ETV1: variants seen among roughly 807,000 people sequenced by gnomAD.
ETV1 encodes ETS translocation variant 1.
Under a neutral mutation model 62.3 loss-of-function variants are expected in ETV1, and 27 were observed. The ratio of observed to expected loss-of-function variants is 0.43; its 90% CI spans 0.32 to 0.60. The LOEUF (loss-of-function observed/expected upper bound fraction) is 0.60, where lower values mean the gene tolerates loss of function less well. ETV1 is among the 20% of genes least tolerant of loss of function. The pLI is 0.06. For missense variants in ETV1, 605 were observed against 605.8 expected, an observed-to-expected ratio of 1.00 and a Z score of 0.01; for synonymous variants, 222 against 199.6, an observed-to-expected ratio of 1.11 and a Z score of -0.94.
Position 13,906,512 on chromosome 7 carries a change from G to A in ETV1, c.1028C>T (p.Ala343Val), listed in dbSNP as rs777934934. 1.2e-6 allele frequency: 2 copies of A among 1,611,562 alleles called. No individual in the cohort carries two copies. The highest frequency in any genetic ancestry group is 4.5e-5 in the East Asian group (2 of 44,838). The change falls in exon 12 of 14, where the codon GCT becomes GTT. Residue 343 changes from alanine (A) to valine (V), a missense_variant. By Grantham distance (64) the Ala-to-Val change is moderately conservative (BLOSUM62 0). This residue lies in a region of ETV1 where 100 missense variants were observed against 156.4 expected (regional missense o/e 0.64). Transcript: ENST00000430479. ...AGAATTTGAAGGGTCATCCAGAAGA[G>A]CTACCAAAAACTGCCAGAGCTGAAG... ...GSLQLWQFLV[A>V]LLDDPSNSHF...
chr7:13,969,000 C>T (rs1212770138), intron 6 of ETV1, among the ~76,000 whole-genome samples: 3 of 152,028 alleles, frequency 2.0e-5, no homozygotes, highest in East Asian at 1.9e-4. Flanking sequence ...CAATCAAGTA[C>T]CAAACTAAAA....
intron 6 of ETV1, among the ~76,000 whole-genome samples, chr7:13,953,200 G>A (rs905050527): frequency 6.6e-6 from 1 of 152,156 alleles, no homozygotes; most frequent in African/African-American, 2.4e-5. Flanking sequence ...ACCTGAACAA[G>A]CTGGAGCTAT....
intron 6 of ETV1, among the ~76,000 whole-genome samples, chr7:13,956,276 C>CT (rs1789447826): frequency 6.6e-6 from 1 of 152,024 alleles, no homozygotes; most frequent in African/African-American, 2.4e-5. Flanking sequence ...TCTTGTTACA[C>CT]TTTATAGAGT....
At chr7:13,900,680 G>T in intron 13 of ETV1, 58 bp downstream of exon 13, 1 of 1,173,278 alleles carries the variant, frequency 8.5e-7, no homozygotes. Flanking sequence ...TTTAAAGTAT[G>T]ATGTTCAGAT....
intron 12 of ETV1, 152 bp downstream of exon 12, chr7:13,906,278 A>G (rs778862642): frequency 1.4e-5 from 7 of 513,158 alleles, no homozygotes; most frequent in Non-Finnish European, 2.0e-5. Flanking sequence ...TTAAAGGTAG[A>G]CATGTTTTAT....
At chr7:13,954,569 A>G (rs1475757321) in intron 6 of ETV1, among the ~76,000 whole-genome samples, 1 of 152,242 alleles carries the variant, frequency 6.6e-6, no homozygotes, top group East Asian at 1.9e-4. Context: ...TATTGTTTGA[A>G]AAATTTTATT....
Position 13,931,567 on chromosome 7 carries a change from G to C in ETV1, c.737C>G (p.Ala246Gly), listed in dbSNP as rs1241848276. Residue 246 changes from alanine (A) to glycine (G), a missense_variant, in exon 9 of 14, where the codon GCC becomes GGC. Physicochemically the swap from Ala to Gly is moderately conservative, Grantham distance 60. Coordinates refer to ENST00000430479, the MANE Select transcript of ETV1 (RefSeq NM_004956.5). ...YEHNTMVGSA[A>G]SQSFPPPLMI... The stretch of plus-strand genomic sequence containing the variant: ...CAGAGGAGGGGGAAAGCTTTGGCTG[G>C]CCGCACTGCCAACCATGGTGTTGTG... The C allele has an allele frequency of 6.2e-7, 1 of 1,613,918 alleles. No individual in the cohort carries two copies. The highest frequency in any genetic ancestry group is 1.7e-5 in the Admixed American group (1 of 60,012).
At chr7:13,959,054 A>C (rs1284369807) in intron 6 of ETV1, 6 of 151,554 alleles carry the variant, frequency 4.0e-5, no homozygotes, top group Non-Finnish European at 7.4e-5. Context: ...AAAAAAAAAA[A>C]AAAACTATAG....
chr7:13,923,823 G>A (rs953988120), intron 9 of ETV1, among the ~76,000 whole-genome samples: 2 of 151,932 alleles, frequency 1.3e-5, no homozygotes, highest in Admixed American at 6.6e-5. Flanking sequence ...ACCTAAGGTC[G>A]GAAGTTTGAG....
chr7:13,931,507 T>G lies in ETV1; in HGVS notation c.797A>C (p.Asp266Ala). The change falls in exon 9 of 14, where the codon GAC becomes GCC. Residue 266 changes from aspartate to alanine, a missense_variant. Coordinates refer to ENST00000430479, the MANE Select transcript of ETV1 (RefSeq NM_004956.5). ...TGCGCAGAGCGCAGGCCTACCTGAG[T>G]CATATGCAAAATCTCTGGGTTCCTG... is the stretch of plus-strand genomic sequence containing the variant. ...IKQEPRDFAYDSEVPSCHSIY... is the reference protein window; with the variant it reads ...IKQEPRDFAYASEVPSCHSIY... 2 of 1,613,890 alleles carry G rather than the reference T, an allele frequency of 1.2e-6. No homozygotes were observed. The highest frequency in any genetic ancestry group is 1.7e-6 in the Non-Finnish European group (2 of 1,179,838).
chr7:13,949,971 T>TGCAGA (rs1205918876), intron 6 of ETV1, among the ~76,000 whole-genome samples: 1 of 152,206 alleles, frequency 6.6e-6, no homozygotes, highest in African/African-American at 2.4e-5. Context: ...ATTGTCAGTC[T>TGCAGA]GCAGAGATCA....
chr7:13,915,193 C>G (rs1784018809), intron 9 of ETV1, among the ~76,000 whole-genome samples: 2 of 152,284 alleles, frequency 1.3e-5, no homozygotes, highest in African/African-American at 4.8e-5. Flanking sequence ...ACTTGACTAA[C>G]TCCTTGTGGA....
At chr7:13,925,522 C>T (rs868631643) in intron 9 of ETV1, among the ~76,000 whole-genome samples, 5 of 151,912 alleles carry the variant, frequency 3.3e-5, no homozygotes, top group South Asian at 4.2e-4. Context: ...ATAGGACTGA[C>T]GTGATGAGTT....
At chr7:13,971,265 C>G (rs1170315418) in intron 6 of ETV1, among the ~76,000 whole-genome samples, 2 of 152,140 alleles carry the variant, frequency 1.3e-5, no homozygotes, top group Non-Finnish European at 2.9e-5. Flanking sequence ...GCCAATGTGC[C>G]CGACCCAAAT....
At chr7:13,976,748 C>T (rs1390832228) in intron 6 of ETV1, among the ~76,000 whole-genome samples, 1 of 152,102 alleles carries the variant, frequency 6.6e-6, no homozygotes. Context: ...ACAGGCAAAA[C>T]GCTCACTCTG....
chr7:13,988,792 G>A, intron 3 of ETV1: 3 of 1,606,072 alleles, frequency 1.9e-6, no homozygotes, highest in Non-Finnish European at 2.5e-6. Context: ...CAGAAAAAGG[G>A]GTCTTAAAAA....
chr7:13,939,820 GC>G (rs1364370500), intron 6 of ETV1, among the ~76,000 whole-genome samples: 7 of 152,288 alleles, frequency 4.6e-5, no homozygotes, highest in African/African-American at 1.7e-4. Context: ...TTAAGTATCT[GC>G]CTATCTAATT....
At chr7:13,983,196 A>G (rs916381886) in intron 5 of ETV1, among the ~76,000 whole-genome samples, 2 of 152,168 alleles carry the variant, frequency 1.3e-5, no homozygotes, top group Admixed American at 1.3e-4. Flanking sequence ...TGTTGATGAA[A>G]GTGAACCTGA....
chr7:13,971,880 G>A (rs1198318215), intron 6 of ETV1, among the ~76,000 whole-genome samples: 1 of 152,164 alleles, frequency 6.6e-6, no homozygotes, highest in African/African-American at 2.4e-5. Context: ...GGAAGCTAAG[G>A]CGGGCGGATC....
Sources: gnomAD v4.1 joint callset for allele counts (sites outside exome capture counted in the v4.1 genomes callset) on GRCh38, gnomAD v4.1.1 for gene constraint, gnomAD v4.1.1 regional missense constraint, MANE v1.5 for transcripts, NCBI Gene and HGNC (gene_info 2026-07-23, HGNC 2026-07-21) for gene names.